The following DAGLB variants were observed in gnomAD, a reference collection of about 807,000 sequenced individuals.
The protein encoded by DAGLB is diacylglycerol lipase-beta.
DAGLB carries 66 observed loss-of-function variants against 72.1 expected under a neutral mutation model. The ratio of observed to expected loss-of-function variants is 0.92; its 90% CI spans 0.75 to 1.12. The LOEUF (loss-of-function observed/expected upper bound fraction) is 1.12, where lower values mean the gene tolerates loss of function less well. Among genes scored for constraint, DAGLB ranks in the 50% most tolerant of loss-of-function variants. DAGLB has a pLI of 0.00. For missense variants in DAGLB, 1,065 were observed against 884.9 expected (o/e 1.20, Z -2.58); for synonymous variants, 414 against 359.5 (o/e 1.15, Z -1.71).
intron 13 of DAGLB, among the ~76,000 whole-genome samples, chr7:6,410,991 T>G (rs1260648136): frequency 1.3e-5 from 2 of 150,948 alleles, no homozygotes; most frequent in African/African-American, 4.9e-5. Flanking sequence ...TTCACGCCAT[T>G]CTCCTGCCTC....
chr7:6,420,019 C>T (rs962544574), intron 9 of DAGLB, among the ~76,000 whole-genome samples: 60 of 152,282 alleles, frequency 3.9e-4, no homozygotes, highest in African/African-American at 1.3e-3. Context: ...TGGTGGCACA[C>T]GCCTGTAATC....
At chr7:6,418,566 G>A (rs1445940479) in intron 9 of DAGLB, among the ~76,000 whole-genome samples, 3 of 152,136 alleles carry the variant, frequency 2.0e-5, no homozygotes, top group African/African-American at 7.2e-5. Flanking sequence ...CCTGGCCCCT[G>A]TCCCGTGCAG....
At chr7:6,430,884 C>T (rs1400439443) in intron 5 of DAGLB, among the ~76,000 whole-genome samples, 2 of 151,948 alleles carry the variant, frequency 1.3e-5, no homozygotes, top group African/African-American at 4.8e-5. Flanking sequence ...CAAGCAATTC[C>T]CCTGCCTCAG....
intron 7 of DAGLB, among the ~76,000 whole-genome samples, chr7:6,425,124 CA>C (rs1784262621): frequency 6.6e-6 from 1 of 152,240 alleles, no homozygotes; most frequent in Non-Finnish European, 1.5e-5. Context: ...TGGACCTCAG[CA>C]GTGTTAAAAG....
rs542536054 is a variant in DAGLB at position 6,428,862 on chromosome 7, T to C, written c.929+1618A>G. Among the ~76,000 whole-genome samples the C allele has an allele frequency of 3.3e-5, 5 of 152,270 alleles. No homozygotes were observed. In the East Asian group the frequency reaches 7.7e-4, roughly 23 times the overall value. On this transcript the variant is annotated intron_variant, in intron 6 of 14. Coordinates refer to ENST00000297056, the MANE Select transcript of DAGLB (RefSeq NM_139179.4). ...CTCTGTCACTCAGGCTGGAGTACAG[T>C]GGTGCAACCCCAGCTCACTGCAACC...
chr7:6,439,763 G>C (rs910356382), intron 2 of DAGLB, among the ~76,000 whole-genome samples: 5 of 151,994 alleles, frequency 3.3e-5, no homozygotes, highest in Non-Finnish European at 7.4e-5. Context: ...ATTAAAAATA[G>C]AAACTAGGCC....
intron 11 of DAGLB, 169 bp downstream of exon 11, chr7:6,416,458 G>A (rs368704768): frequency 1.4e-5 from 13 of 947,288 alleles, no homozygotes; most frequent in African/African-American, 9.9e-5. Context: ...CAGAAGAACC[G>A]CCTGAACCTG....
rs183042725 is a variant in DAGLB at position 6,425,186 on chromosome 7, G to A, written c.1057-351C>T. Among the ~76,000 whole-genome samples, 58 of 152,340 alleles carry A rather than the reference G, an allele frequency of 3.8e-4. No homozygotes were observed. In the East Asian group the frequency reaches 0.01, roughly 27 times the overall value. On this transcript the variant is annotated intron_variant, in intron 7 of 14. Transcript: ENST00000297056. ...CAAAGTGGGAGAGCCGCCGATCTGC[G>A]CCAGCAGGCCTCCCGCTGCGGTGCC...
rs761919792 is a variant in DAGLB at position 6,424,867 on chromosome 7, AAC to A, written c.1057-34_1057-33del. 5.0e-6 allele frequency: 8 copies of A among 1,606,514 alleles called. No individual in the cohort carries two copies. In the Middle Eastern group the frequency reaches 6.6e-4, roughly 133 times the overall value. On this transcript the variant is annotated intron_variant, in intron 7 of 14. Coordinates refer to ENST00000297056, the MANE Select transcript of DAGLB (RefSeq NM_139179.4). ...GAGCAAGAAACAAGCATGGGGCCTA[AAC>A]AGTGAACACACGCACCAGCACGCAA... is the stretch of plus-strand genomic sequence containing the variant.
intron 5 of DAGLB, among the ~76,000 whole-genome samples, 143 bp downstream of exon 5, chr7:6,432,677 AGGTGGGAGAGGGGAGGG>A (rs1784522686): frequency 1.6e-5 from 1 of 60,766 alleles, no homozygotes; most frequent in African/African-American, 5.6e-5. Flanking sequence ...AAAAAAAAAA[AGGTGGGAGAGGGGAGGG>A]AAGGGGAGGA....
chr7:6,426,090 A>G lies in DAGLB; in HGVS notation c.954T>C (p.Tyr318=), dbSNP rs760591341. Residue 318 remains tyrosine, a synonymous_variant, in exon 7 of 15, where the codon TAT becomes TAC. Coordinates refer to ENST00000297056, the MANE Select transcript of DAGLB (RefSeq NM_139179.4). ...GDCCRSRTTD[Y]DLVGGDQLNC... The stretch of plus-strand genomic sequence containing the variant: ...TGAGCTGATCGCCTCCGACCAAGTC[A>G]TAGTCTGTGGTTCTGCTTCTGCAGC... 1.2e-6 allele frequency: 2 copies of G among 1,613,776 alleles called. No homozygotes were observed. Among genetic ancestry groups the G allele is most frequent in the African/African-American group, 1.3e-5 (1 of 74,930 alleles).
At chr7:6,410,086 G>T (rs200924183) in intron 14 of DAGLB, 44 bp downstream of exon 14, 1 of 1,586,250 alleles carries the variant, frequency 6.3e-7, no homozygotes, top group Non-Finnish European at 8.6e-7. Flanking sequence ...GGCTGACCCC[G>T]CGCTGCTCCT....
intron 8 of DAGLB, among the ~76,000 whole-genome samples, chr7:6,422,995 G>A (rs1481501477): frequency 1.3e-5 from 2 of 152,226 alleles, no homozygotes; most frequent in Admixed American, 6.5e-5. Flanking sequence ...AGTCCTTGGT[G>A]GACAGGACAA....
intron 9 of DAGLB, among the ~76,000 whole-genome samples, chr7:6,419,058 T>C (rs1267269571): frequency 2.7e-5 from 4 of 150,628 alleles, no homozygotes; most frequent in Admixed American, 1.3e-4. Context: ...TTCAACACTC[T>C]GTGTGCATTC....
intron 2 of DAGLB, among the ~76,000 whole-genome samples, chr7:6,440,596 A>C (rs1207080094): frequency 6.6e-6 from 1 of 151,866 alleles, no homozygotes; most frequent in Non-Finnish European, 1.5e-5. Flanking sequence ...CAAAAGGGAC[A>C]ACAGAAGTTA....
intron 2 of DAGLB, among the ~76,000 whole-genome samples, chr7:6,443,529 C>T (rs1224710342): frequency 6.6e-6 from 1 of 152,196 alleles, no homozygotes; most frequent in Non-Finnish European, 1.5e-5. Flanking sequence ...ACATGCCACT[C>T]TTGCTGGTCA....
At position 6,409,553 on chromosome 7, in the gene DAGLB, C is replaced by A; in HGVS notation, c.*284G>T. On this transcript the variant is annotated 3_prime_UTR_variant, in exon 15 of 15. Coordinates refer to ENST00000297056, the MANE Select transcript of DAGLB (RefSeq NM_139179.4). Reference sequence around the variant, plus strand: ...ACTTCTGGAGCAGTCCTCAGACAGCCAAGGGATCCATCCACGGGCCAGGGC... The same window carrying A: ...ACTTCTGGAGCAGTCCTCAGACAGCAAAGGGATCCATCCACGGGCCAGGGC... 2.0e-6 allele frequency: 1 copy of A among 489,100 alleles called. No homozygotes were observed. Among genetic ancestry groups the A allele is most frequent in the South Asian group, 2.3e-5 (1 of 43,832 alleles). 30.3% of individuals were successfully genotyped at this position (489,100 alleles called of 1,614,324 possible).
chr7:6,438,863 A>AG (rs1784742390), intron 2 of DAGLB, among the ~76,000 whole-genome samples: 1 of 106,518 alleles, frequency 9.4e-6, no homozygotes, highest in African/African-American at 2.8e-5. Flanking sequence ...TAAAAAAGAT[A>AG]ATGATGATGA....
intron 1 of DAGLB, 55 bp from the exon 2 acceptor site, chr7:6,446,159 T>A: frequency 6.5e-7 from 1 of 1,532,132 alleles, no homozygotes; most frequent in Non-Finnish European, 8.8e-7. Flanking sequence ...AGCTGCTGTG[T>A]AGAACATGAT....
Sources: allele counts gnomAD v4.1 joint callset (sites outside exome capture counted in the v4.1 genomes callset), GRCh38; gene constraint gnomAD v4.1.1; transcripts MANE v1.5; gene names NCBI Gene and HGNC (gene_info 2026-07-23, HGNC 2026-07-21).